The following RTRAF variants were observed in gnomAD, a reference collection of about 807,000 sequenced individuals.
RTRAF encodes the protein RNA transcription, translation and transport factor.
In RTRAF, 14 loss-of-function variants were observed where a neutral mutation model predicts 34.4. The ratio of observed to expected loss-of-function variants is 0.41; its 90% confidence interval spans 0.27 to 0.64. The LOEUF (loss-of-function observed/expected upper bound fraction) is 0.64. Ranked by LOEUF, RTRAF falls within the 30% of genes least tolerant of loss-of-function variation. The pLI is 0.34. For synonymous variants in RTRAF, 96 were observed against 95.3 expected, an observed-to-expected ratio of 1.01 and a Z score of -0.04; for missense variants, 291 against 288.4, an observed-to-expected ratio of 1.01 and a Z score of -0.06.
intron 5 of RTRAF, among the ~76,000 whole-genome samples, chr14:52,000,478 C>T (rs1436901906): frequency 6.6e-6 from 1 of 151,018 alleles, no homozygotes; most frequent in African/African-American, 2.4e-5. Context: ...CTTAAGATAC[C>T]AGACTTGGAA....
At position 52,005,590 on chromosome 14, in the gene RTRAF, G is replaced by T; in HGVS notation, c.*1074G>T. 6.7e-7 allele frequency: 1 copy of T among 1,501,794 alleles called. No homozygotes were observed. Among genetic ancestry groups the T allele is most frequent in the Non-Finnish European group, 9.2e-7 (1 of 1,091,286 alleles). The allele number at this position is 1,501,794 out of a possible 1,614,324, so 93.0% of individuals were successfully genotyped here. The stretch of plus-strand genomic sequence containing the variant: ...GTCTTTGCATTTTGTGTATAAACTA[G>T]GTAGATTTAAGGTAGTAAAGACTGG... On this transcript the variant is annotated 3_prime_UTR_variant, in exon 8 of 8. Transcript: ENST00000261700.
intron 5 of RTRAF, among the ~76,000 whole-genome samples, chr14:52,000,700 C>T (rs2140330460): frequency 2.0e-5 from 3 of 152,206 alleles, no homozygotes; most frequent in Middle Eastern, 6.8e-3. Flanking sequence ...TTTCTCAATC[C>T]AGATTGCATG....
intron 1 of RTRAF, among the ~76,000 whole-genome samples, chr14:51,990,223 C>A (rs1262307794): frequency 1.3e-5 from 2 of 152,054 alleles, no homozygotes; most frequent in Non-Finnish European, 2.9e-5. Flanking sequence ...AGGGTAAGCG[C>A]GTGTAGTAAC....
chr14:52,006,190 T>G lies in RTRAF; in HGVS notation c.*1674T>G. 2.5e-6 allele frequency: 1 copy of G among 397,924 alleles called. No individual in the cohort carries two copies. Among genetic ancestry groups the G allele is most frequent in the Non-Finnish European group, 4.7e-6 (1 of 213,564 alleles). 24.6% of individuals were successfully genotyped at this position (397,924 alleles called of 1,614,324 possible). ...TATGTCCACAGTGTCAAAAGCCAAC[T>G]TAAGCCCTGTAATATAGCTCATGGT... On this transcript the variant is annotated 3_prime_UTR_variant, in exon 8 of 8. Transcript: ENST00000261700.
chr14:52,006,737 A>G lies in RTRAF; in HGVS notation c.*2221A>G, dbSNP rs1410124803. 4.7e-6 allele frequency: 7 copies of G among 1,479,678 alleles called. No individual in the cohort carries two copies. The highest frequency in any genetic ancestry group is 6.5e-6 in the Non-Finnish European group (7 of 1,069,952). 91.7% of individuals were successfully genotyped at this position (1,479,678 alleles called of 1,614,324 possible). Reference sequence around the variant, plus strand: ...GATAGTGACATAGTGATAGTGACACAGTGATAGAATGGGGAAATAGGATAT... The same window carrying G: ...GATAGTGACATAGTGATAGTGACACGGTGATAGAATGGGGAAATAGGATAT... On this transcript the variant is annotated 3_prime_UTR_variant, in exon 8 of 8. Coordinates refer to ENST00000261700, the MANE Select transcript of RTRAF (RefSeq NM_016039.3).
At chr14:52,001,216 C>A (rs1361319409) in intron 5 of RTRAF, among the ~76,000 whole-genome samples, 1 of 151,692 alleles carries the variant, frequency 6.6e-6, no homozygotes, top group African/African-American at 2.4e-5. Context: ...AATTAAAATT[C>A]CATTTTTTTA....
chr14:52,004,583 G>A lies in RTRAF; in HGVS notation c.*67G>A, dbSNP rs1890680759. 9.8e-6 allele frequency: 14 copies of A among 1,426,214 alleles called. No individual in the cohort carries two copies. Among genetic ancestry groups the A allele is most frequent in the South Asian group, 7.7e-5 (5 of 65,340 alleles). The allele number at this position is 1,426,214 out of a possible 1,614,324, so 88.3% of individuals were successfully genotyped here. ...GGAACCATACACTTCTGGCATGTTTGGAAATCAAAATGTCACATTCTCGGG... is the reference window on the plus strand; with the variant it reads ...GGAACCATACACTTCTGGCATGTTTAGAAATCAAAATGTCACATTCTCGGG... On this transcript the variant is annotated 3_prime_UTR_variant, in exon 8 of 8. Coordinates refer to ENST00000261700, the MANE Select transcript of RTRAF (RefSeq NM_016039.3).
chr14:52,001,004 A>G (rs1434071032), intron 5 of RTRAF, among the ~76,000 whole-genome samples: 1 of 152,248 alleles, frequency 6.6e-6, no homozygotes, highest in Non-Finnish European at 1.5e-5. Context: ...ACAATAACAT[A>G]ATATGGAAAA....
intron 3 of RTRAF, among the ~76,000 whole-genome samples, chr14:51,994,413 G>A (rs1367071040): frequency 2.0e-5 from 3 of 152,028 alleles, no homozygotes; most frequent in Non-Finnish European, 4.4e-5. Flanking sequence ...TGTGTTTTTC[G>A]GTTAGTTACA....
Position 52,007,942 on chromosome 14 carries a change from T to C in RTRAF, c.*3426T>C. 2 of 1,613,364 alleles carry C rather than the reference T, an allele frequency of 1.2e-6. No individual in the cohort carries two copies. The highest frequency in any genetic ancestry group is 1.7e-6 in the Non-Finnish European group (2 of 1,179,780). ...GACGTTTCAATTTTAGGAGCTTCTC[T>C]ATTCCAGTCTGTCCAGTACAAGTTG... On this transcript the variant is annotated 3_prime_UTR_variant, in exon 8 of 8. Coordinates refer to ENST00000261700, the MANE Select transcript of RTRAF (RefSeq NM_016039.3).
intron 2 of RTRAF, among the ~76,000 whole-genome samples, chr14:51,992,720 G>A (rs552788846): frequency 9.2e-5 from 14 of 152,220 alleles, no homozygotes; most frequent in Non-Finnish European, 1.5e-4. Flanking sequence ...CATGTAGAAA[G>A]GTATCTGGAG....
Position 52,008,100 on chromosome 14 carries a change from TTAG to T in RTRAF, c.*3589_*3591del, listed in dbSNP as rs3030363. On this transcript the variant is annotated 3_prime_UTR_variant, in exon 8 of 8. Transcript: ENST00000261700. ...GCAATCCCCTTGAGTTTGGGCTGCA[TTAG>T]TAGTGTCTTGCTTCTTCTAGTGCAT... 0.16 allele frequency: 105,439 copies of T among 653,224 alleles called. 12,242 individuals carry two copies. Among genetic ancestry groups the T allele is most frequent in the East Asian group, 0.49 (17,374 of 35,316 alleles). The allele number at this position is 653,224 out of a possible 1,614,324, so 40.5% of individuals were successfully genotyped here.
chr14:52,009,166 CAG>C lies in RTRAF; in HGVS notation c.*4656_*4657del. On this transcript the variant is annotated 3_prime_UTR_variant, in exon 8 of 8. Transcript: ENST00000261700. ...CATCCCTTATGCCCAACAGATGAAG[CAG>C]AGAGAAGCTGAGAGCAAAAGCTAGA... 1 of 152,246 alleles carries C rather than the reference CAG, an allele frequency of 6.6e-6. No individual in the cohort carries two copies. The highest frequency in any genetic ancestry group is 6.5e-5 in the Admixed American group (1 of 15,294). 9.4% of individuals were successfully genotyped at this position (152,246 alleles called of 1,614,324 possible). A position where few individuals can be genotyped will look rare whatever the true frequency, so the allele number is the denominator to read the frequency against.
chr14:52,004,489 C>T lies in RTRAF; in HGVS notation c.708C>T (p.Asp236=), dbSNP rs1890675121. The part of the protein sequence containing the change: ...VQAIIADPKT[D]HRLGKVGR ...CAATTATTGCTGATCCAAAGACAGACCACAGACTGGGAAAAGTTGGAAGAT... is the reference window on the plus strand; with the variant it reads ...CAATTATTGCTGATCCAAAGACAGATCACAGACTGGGAAAAGTTGGAAGAT... The change falls in exon 8 of 8, where the codon GAC becomes GAT. Residue 236 remains aspartate (D), a synonymous_variant. Transcript: ENST00000261700. 1.2e-6 allele frequency: 2 copies of T among 1,613,494 alleles called. No homozygotes were observed. The highest frequency in any genetic ancestry group is 1.7e-6 in the Non-Finnish European group (2 of 1,179,806).
intron 3 of RTRAF, among the ~76,000 whole-genome samples, chr14:51,995,747 G>T (rs1029014054): frequency 2.6e-5 from 4 of 151,882 alleles, no homozygotes; most frequent in African/African-American, 2.4e-5. Context: ...AATTTCAGAA[G>T]CCTTATGGCA....
In RTRAF at chr14:51,996,923, G is replaced by A. The variant is rs115399437; in HGVS notation, c.287-1571G>A. Among the ~76,000 whole-genome samples, 656 of 152,048 alleles carry A rather than the reference G, an allele frequency of 4.3e-3. 7 individuals carry two copies. The highest frequency in any genetic ancestry group is 0.015 in the African/African-American group (626 of 41,530). On this transcript the variant is annotated intron_variant, in intron 3 of 7. Coordinates refer to ENST00000261700, the MANE Select transcript of RTRAF (RefSeq NM_016039.3). ...GTCTTTATTTGTGCTTCATGACCCT[G>A]ACATTTATTTTGTAGAGTGTCCCTC...
rs753562341 is a variant in RTRAF, at chr14:52,001,917, A to G, written c.531+51A>G. 23 of 1,461,320 alleles carry G rather than the reference A, an allele frequency of 1.6e-5. No homozygotes were observed. In the Admixed American group the frequency reaches 2.7e-4, roughly 17 times the overall value. 90.5% of individuals were successfully genotyped at this position (1,461,320 alleles called of 1,614,324 possible). ...GTTGTTAATGAACATTTCTTCTGGT[A>G]TGGCCGTGATTTTAAACTTTGCATG... is the stretch of plus-strand genomic sequence containing the variant. On this transcript the variant is annotated intron_variant, in intron 6 of 7. Transcript: ENST00000261700.
Position 51,999,806 on chromosome 14 carries a change from A to C in RTRAF, c.462+10A>C. On this transcript the variant is annotated intron_variant, in intron 5 of 7. Coordinates refer to ENST00000261700, the MANE Select transcript of RTRAF (RefSeq NM_016039.3). ...CCTGGTAATGCTTAAGGTCAGCTTC[A>C]TGTTCTTGATTCTTGACAGAAACTG... The C allele has an allele frequency of 6.3e-7, 1 of 1,586,374 alleles. No individual in the cohort carries two copies. The highest frequency in any genetic ancestry group is 8.6e-7 in the Non-Finnish European group (1 of 1,159,008).
intron 1 of RTRAF, 144 bp downstream of exon 1, chr14:51,989,844 C>T: frequency 1.4e-6 from 1 of 731,408 alleles, no homozygotes; most frequent in Non-Finnish European, 2.2e-6. Flanking sequence ...TCTGGGTCGC[C>T]ACGTACCTCG....
Sources: allele counts gnomAD v4.1 joint callset (sites outside exome capture counted in the v4.1 genomes callset), GRCh38; gene constraint gnomAD v4.1.1; transcripts MANE v1.5; gene names NCBI Gene and HGNC (gene_info 2026-07-23, HGNC 2026-07-21).